ZDHHC17: variants seen among roughly 807,000 people sequenced by gnomAD.
ZDHHC17 encodes the protein zDHHC palmitoyltransferase 17.
A neutral mutation model predicts 90.3 loss-of-function variants in ZDHHC17; 40 were observed. The observed-to-expected ratio is 0.44, with a 90% CI of 0.34 to 0.58. ZDHHC17 has a LOEUF of 0.58. ZDHHC17 is among the 20% of genes least tolerant of loss of function. The pLI is 0.01. For missense variants in ZDHHC17, 614 were observed against 780.8 expected, an observed-to-expected ratio of 0.79 and a Z score of 2.55; for synonymous variants, 235 against 252.4, an observed-to-expected ratio of 0.93 and a Z score of 0.65.
chr12:76,819,505 A>T (rs1406588078), intron 7 of ZDHHC17, among the ~76,000 whole-genome samples: 3 of 152,192 alleles, frequency 2.0e-5, no homozygotes, highest in Non-Finnish European at 4.4e-5. Flanking sequence ...AATATGAAAA[A>T]TTACGCTTTG....
At chr12:76,827,110 C>G in intron 9 of ZDHHC17, 60 bp downstream of exon 9, 1 of 1,456,784 alleles carries the variant, frequency 6.9e-7, no homozygotes, top group Non-Finnish European at 9.1e-7. Flanking sequence ...AATTTGTACT[C>G]TTGTATAAAA....
At chr12:76,804,336 A>G (rs753818754) in intron 2 of ZDHHC17, among the ~76,000 whole-genome samples, 1 of 152,252 alleles carries the variant, frequency 6.6e-6, no homozygotes, top group Non-Finnish European at 1.5e-5. Context: ...TAAAAACCAA[A>G]TTAGACTCAC....
At position 76,848,283 on chromosome 12, in the gene ZDHHC17, T is replaced by TA; in HGVS notation, c.1559dup (p.Tyr520Ter). ...TTYTKDGFWT[Y>*]ITQIATCSPW... ...TTACACCAAGGATGGATTTTGGACA[T>TA]ACATTACTCAGATTGCCACGTGTTC... The change falls in exon 15 of 17, where the codon TAC becomes TAAC. Residue 520 changes from tyrosine to a stop codon, truncating the protein, a stop_gained and frameshift_variant. Transcript: ENST00000426126. LOFTEE classifies it high-confidence loss of function. 6.2e-7 allele frequency: 1 copy of TA among 1,613,962 alleles called. No homozygotes were observed. The highest frequency in any genetic ancestry group is 8.5e-7 in the Non-Finnish European group (1 of 1,179,864).
chr12:76,774,392 T>A (rs1592457739), intron 1 of ZDHHC17, among the ~76,000 whole-genome samples: 1 of 152,130 alleles, frequency 6.6e-6, no homozygotes, highest in African/African-American at 2.4e-5. Flanking sequence ...GGGTGTCTCT[T>A]GTTGAAATAA....
chr12:76,836,429 G>T (rs1026287172), intron 10 of ZDHHC17, among the ~76,000 whole-genome samples: 2 of 151,340 alleles, frequency 1.3e-5, no homozygotes, highest in African/African-American at 4.9e-5. Flanking sequence ...CAGCTGCTGT[G>T]CCCCCCTCTC....
At chr12:76,790,140 TA>T (rs199784205) in intron 1 of ZDHHC17, among the ~76,000 whole-genome samples, 2,929 of 152,232 alleles carry the variant, frequency 0.019, 79 homozygotes, top group African/African-American at 0.067. Context: ...AGACCTCTTA[TA>T]AAAAATGAAG....
intron 7 of ZDHHC17, among the ~76,000 whole-genome samples, chr12:76,817,985 G>A (rs1052615101): frequency 1.3e-5 from 2 of 152,014 alleles, no homozygotes; most frequent in South Asian, 4.1e-4. Context: ...TTGTACCTTA[G>A]AGCTTTTAAA....
chr12:76,791,656 G>C (rs1331765935), intron 1 of ZDHHC17, among the ~76,000 whole-genome samples: 1 of 152,026 alleles, frequency 6.6e-6, no homozygotes, highest in Middle Eastern at 3.2e-3. Flanking sequence ...ACTATACTTA[G>C]TATACTATAC....
chr12:76,836,987 T>C (rs547102144), intron 10 of ZDHHC17, among the ~76,000 whole-genome samples: 1 of 152,342 alleles, frequency 6.6e-6, no homozygotes, highest in South Asian at 2.1e-4. Context: ...TCGACATGTC[T>C]CTTGCAAATA....
intron 1 of ZDHHC17, among the ~76,000 whole-genome samples, chr12:76,765,900 C>T (rs896308580): frequency 6.6e-5 from 10 of 152,092 alleles, no homozygotes; most frequent in Admixed American, 3.9e-4. Flanking sequence ...AGAGGTCTCC[C>T]TATGTTGTCT....
At chr12:76,824,696 T>G (rs972457616) in intron 8 of ZDHHC17, among the ~76,000 whole-genome samples, 26 of 151,924 alleles carry the variant, frequency 1.7e-4, no homozygotes, top group African/African-American at 6.3e-4. Context: ...GATGGAATCT[T>G]TAGCCAGGCG....
chr12:76,831,979 A>G (rs191938486), intron 10 of ZDHHC17, among the ~76,000 whole-genome samples: 5 of 152,168 alleles, frequency 3.3e-5, no homozygotes, highest in Non-Finnish European at 7.3e-5. Flanking sequence ...GGTGTAAATG[A>G]TACTCATGGA....
At chr12:76,773,801 A>G in intron 1 of ZDHHC17, among the ~76,000 whole-genome samples, 1 of 152,196 alleles carries the variant, frequency 6.6e-6, no homozygotes, top group African/African-American at 2.4e-5. Context: ...TAAAGGAACT[A>G]GGGGAGGATT....
At chr12:76,806,787 A>G (rs138030733) in intron 3 of ZDHHC17, among the ~76,000 whole-genome samples, 1,680 of 152,376 alleles carry the variant, frequency 0.011, 11 homozygotes, top group Non-Finnish European at 0.017. Flanking sequence ...TGCTGGAATT[A>G]CAGGCATTTG....
intron 8 of ZDHHC17, among the ~76,000 whole-genome samples, chr12:76,822,997 G>A (rs1238464451): frequency 2.0e-5 from 3 of 152,022 alleles, no homozygotes; most frequent in Non-Finnish European, 1.5e-5. Flanking sequence ...ATAAATGAAG[G>A]TAAATAACAA....
intron 8 of ZDHHC17, 118 bp downstream of exon 8, chr12:76,822,649 G>A: frequency 1.3e-6 from 1 of 761,354 alleles, no homozygotes. Flanking sequence ...CTGCCTCTCG[G>A]TTTAAAGTGA....
chr12:76,781,775 T>G (rs1334710231), intron 1 of ZDHHC17: 1 of 430,404 alleles, frequency 2.3e-6, no homozygotes, highest in African/African-American at 2.0e-5. Flanking sequence ...GGAGAATATA[T>G]CTGGCTTATT....
rs756455556 is a variant in ZDHHC17 at position 76,809,046 on chromosome 12, C to T, written c.324C>T (p.Tyr108=). The T allele has an allele frequency of 6.6e-7, 1 of 1,519,220 alleles. No homozygotes were observed. The highest frequency in any genetic ancestry group is 2.0e-5 in the Admixed American group (1 of 48,842). The allele number at this position is 1,519,220 out of a possible 1,614,324, so 94.1% of individuals were successfully genotyped here. A position where few individuals can be genotyped will look rare whatever the true frequency, so the allele number is the denominator to read the frequency against. The change falls in exon 4 of 17, where the codon TAC becomes TAT. Residue 108 remains tyrosine (Y), a synonymous_variant. Coordinates refer to ENST00000426126, the MANE Select transcript of ZDHHC17 (RefSeq NM_015336.4). ...TATTATAAATTTTGTCTTATAGATACTATATTTCGAAAGGTGCTATTGTGG... is the reference window on the plus strand; with the variant it reads ...TATTATAAATTTTGTCTTATAGATATTATATTTCGAAAGGTGCTATTGTGG... The part of the protein sequence containing the change: ...AINNRIDLVK[Y]YISKGAIVDQ...
chr12:76,802,695 G>C (rs929406847), intron 2 of ZDHHC17, among the ~76,000 whole-genome samples: 32 of 152,036 alleles, frequency 2.1e-4, no homozygotes, highest in African/African-American at 7.5e-4. Flanking sequence ...TCCTTCTTCT[G>C]TCTTTGAAGA....
Sources: gnomAD v4.1 joint callset for allele counts (sites outside exome capture counted in the v4.1 genomes callset) on GRCh38, gnomAD v4.1.1 for gene constraint, MANE v1.5 for transcripts, NCBI Gene and HGNC (gene_info 2026-07-23, HGNC 2026-07-21) for gene names.